The following SPAG16 variants were observed in gnomAD, a reference collection of about 807,000 sequenced individuals.
SPAG16 encodes the protein sperm associated antigen 16.
SPAG16 carries 86 observed loss-of-function variants against 80.4 expected under a neutral mutation model. That is an observed-to-expected ratio of 1.07 (90% CI 0.90 to 1.28). SPAG16 has a LOEUF of 1.28. Ranked by LOEUF, SPAG16 falls within the 50% of genes most tolerant of loss-of-function variation. SPAG16 has a pLI of 0.00. For missense variants in SPAG16, 870 were observed against 765.3 expected, an observed-to-expected ratio of 1.14 and a Z score of -1.61; for synonymous variants, 294 against 265.9, an observed-to-expected ratio of 1.11 and a Z score of -1.03.
Position 213,441,331 on chromosome 2 carries a change from T to C in SPAG16, c.943-48632T>C, listed in dbSNP as rs138366879. 8.6e-3 allele frequency among the ~76,000 whole-genome samples: 1,315 copies of C among 152,298 alleles called. 16 individuals are homozygous for C. Among genetic ancestry groups the C allele is most frequent in the African/African-American group, 0.029 (1,225 of 41,578 alleles). On this transcript the variant is annotated intron_variant, in intron 9 of 15. Transcript: ENST00000331683. ...ATCTATGAAAATGTAGAAAGCACTG[T>C]AATATGGAGCAAAATGAATGTCTTC...
At chr2:213,375,867 G>T (rs1309289149) in intron 9 of SPAG16, among the ~76,000 whole-genome samples, 1 of 151,304 alleles carries the variant, frequency 6.6e-6, no homozygotes, top group Non-Finnish European at 1.5e-5. Context: ...ATTTACTTAG[G>T]TAATGCCAAT....
At chr2:213,793,926 A>G (rs1427561166) in intron 10 of SPAG16, among the ~76,000 whole-genome samples, 2 of 152,158 alleles carry the variant, frequency 1.3e-5, no homozygotes, top group East Asian at 3.8e-4. Context: ...TGCTTCTCAG[A>G]TGTCTTAGGT....
chr2:214,230,393 G>T (rs955503058), intron 15 of SPAG16, among the ~76,000 whole-genome samples: 2 of 151,916 alleles, frequency 1.3e-5, no homozygotes, highest in Non-Finnish European at 2.9e-5. Context: ...TAATGTCAAT[G>T]TTAGCTGCAG....
At chr2:213,882,158 C>T (rs528129987) in intron 11 of SPAG16, among the ~76,000 whole-genome samples, 9 of 152,234 alleles carry the variant, frequency 5.9e-5, no homozygotes, top group African/African-American at 2.2e-4. Flanking sequence ...GTTGAATCAG[C>T]CTTGCATTAC....
At chr2:213,865,794 G>A (rs959315434) in intron 11 of SPAG16, among the ~76,000 whole-genome samples, 3 of 147,664 alleles carry the variant, frequency 2.0e-5, no homozygotes, top group Non-Finnish European at 4.5e-5. Context: ...TCCTCAAGGG[G>A]AAAAATAATG....
At chr2:214,112,586 A>T (rs1576243744) in intron 14 of SPAG16, among the ~76,000 whole-genome samples, 2 of 143,460 alleles carry the variant, frequency 1.4e-5, no homozygotes, top group African/African-American at 5.2e-5. Context: ...GTCTCTTTTG[A>T]TCTTTGTTGG....
intron 14 of SPAG16, among the ~76,000 whole-genome samples, chr2:214,142,856 C>A (rs927580219): frequency 1.3e-5 from 2 of 152,178 alleles, no homozygotes; most frequent in African/African-American, 4.8e-5. Flanking sequence ...TATCTTCCAT[C>A]TGACACAAAG....
intron 10 of SPAG16, among the ~76,000 whole-genome samples, chr2:213,496,401 T>C (rs2074490216): frequency 6.6e-6 from 1 of 152,116 alleles, no homozygotes; most frequent in African/African-American, 2.4e-5. Context: ...TTTGACATGT[T>C]AAATGATTGA....
chr2:213,410,742 C>T (rs762125565), intron 9 of SPAG16, among the ~76,000 whole-genome samples: 7 of 152,182 alleles, frequency 4.6e-5, no homozygotes, highest in South Asian at 2.1e-4. Context: ...CTTGTGCGCA[C>T]GGCAAGCCAG....
chr2:214,079,325 A>G (rs1261588726), intron 13 of SPAG16, among the ~76,000 whole-genome samples: 2 of 152,236 alleles, frequency 1.3e-5, no homozygotes, highest in East Asian at 3.8e-4. Context: ...AACTATAAAT[A>G]TGAACTAAAT....
chr2:214,275,168 C>T (rs1268321787), intron 15 of SPAG16, among the ~76,000 whole-genome samples: 1 of 152,058 alleles, frequency 6.6e-6, no homozygotes, highest in East Asian at 1.9e-4. Flanking sequence ...TTTATTGTGT[C>T]TATTTGATTC....
chr2:213,847,039 A>C lies in SPAG16; in HGVS notation c.1071-15446A>C, dbSNP rs551432252. On this transcript the variant is annotated intron_variant, in intron 10 of 15. Transcript: ENST00000331683. The stretch of plus-strand genomic sequence containing the variant: ...TGGAGTACTTGTCAATTTCCAGAGG[A>C]CATCCTGTTTCATGACTCTTGCCAA... Among the ~76,000 whole-genome samples the C allele has an allele frequency of 2.0e-5, 3 of 152,238 alleles. No individual in the cohort carries two copies. In the East Asian group the frequency reaches 5.8e-4, roughly 29 times the overall value.
At chr2:214,076,477 G>A (rs1012272970) in intron 13 of SPAG16, among the ~76,000 whole-genome samples, 7 of 150,612 alleles carry the variant, frequency 4.6e-5, no homozygotes, top group African/African-American at 1.7e-4. Context: ...TGAAAATTAG[G>A]GTATCTCAAT....
chr2:213,518,819 C>T (rs1463319493), intron 10 of SPAG16, among the ~76,000 whole-genome samples: 3 of 152,206 alleles, frequency 2.0e-5, no homozygotes, highest in African/African-American at 7.2e-5. Context: ...ATAGAATAGA[C>T]ATAGGTGGCT....
intron 10 of SPAG16, among the ~76,000 whole-genome samples, chr2:213,592,494 T>C (rs774324976): frequency 3.3e-5 from 5 of 152,210 alleles, no homozygotes; most frequent in Non-Finnish European, 5.9e-5. Flanking sequence ...GTGCAAGTAT[T>C]TTTAAAACTA....
intron 15 of SPAG16, among the ~76,000 whole-genome samples, chr2:214,331,399 A>G (rs1366789873): frequency 1.3e-5 from 2 of 152,174 alleles, no homozygotes; most frequent in Non-Finnish European, 2.9e-5. Context: ...CCAGGTGGCA[A>G]TCACAGCTTA....
chr2:213,300,188 A>T (rs1339978751), intron 3 of SPAG16, among the ~76,000 whole-genome samples: 1 of 152,112 alleles, frequency 6.6e-6, no homozygotes, highest in Non-Finnish European at 1.5e-5. Flanking sequence ...CAAGACACCC[A>T]AGTCATATAA....
chr2:214,395,250 A>C lies in SPAG16; in HGVS notation c.1721-14890A>C, dbSNP rs182663780. ...GGAACACTATTGTGAAATAATTGGC[A>C]AGAGTATGTTTACTTTTGTAAGTAA... On this transcript the variant is annotated intron_variant, in intron 15 of 15. Transcript: ENST00000331683. 2.0e-3 allele frequency among the ~76,000 whole-genome samples: 299 copies of C among 152,318 alleles called. 1 individual carries two copies. The highest frequency in any genetic ancestry group is 7.0e-3 in the African/African-American group (289 of 41,570).
At chr2:214,327,248 T>A (rs530725045) in intron 15 of SPAG16, among the ~76,000 whole-genome samples, 1 of 152,286 alleles carries the variant, frequency 6.6e-6, no homozygotes, top group South Asian at 2.1e-4. Context: ...TTAGTCCAAT[T>A]GCATGATAAA....
Sources: gnomAD v4.1 joint callset for allele counts (sites outside exome capture counted in the v4.1 genomes callset) on GRCh38, gnomAD v4.1.1 for gene constraint, MANE v1.5 for transcripts, NCBI Gene and HGNC (gene_info 2026-07-23, HGNC 2026-07-21) for gene names.